Variants in FLT1 observed in about 807,000 individuals in gnomAD.
The protein encoded by FLT1 is fms related receptor tyrosine kinase 1, also known as vascular endothelial growth factor receptor 1.
A neutral mutation model predicts 156.3 loss-of-function variants in FLT1; 49 were observed. That is an observed-to-expected ratio of 0.31 (90% CI 0.25 to 0.40). FLT1 has a LOEUF of 0.40. Among genes scored for constraint, FLT1 ranks in the 10% least tolerant of loss-of-function variants. The pLI is 1.00. For missense variants in FLT1, 1,322 were observed against 1,637.2 expected (o/e 0.81, Z 3.32); for synonymous variants, 594 against 583.8 (o/e 1.02, Z -0.25).
intron 3 of FLT1, among the ~76,000 whole-genome samples, chr13:28,449,805 C>T (rs936969165): frequency 6.6e-6 from 1 of 152,172 alleles, no homozygotes; most frequent in African/African-American, 2.4e-5. Context: ...AAAGACATTG[C>T]TTTTTGTTTT....
intron 12 of FLT1, among the ~76,000 whole-genome samples, chr13:28,392,434 A>G (rs910091509): frequency 1.3e-5 from 2 of 152,232 alleles, no homozygotes; most frequent in Non-Finnish European, 1.5e-5. Context: ...TTTTACACAG[A>G]TAGTAGAGCA....
At chr13:28,387,562 T>C in intron 13 of FLT1, 1 of 1,063,966 alleles carries the variant, frequency 9.4e-7, no homozygotes, top group Non-Finnish European at 1.1e-6. Context: ...TTCTTTCACT[T>C]TTCAGTGTTA....
chr13:28,387,931 T>C, intron 13 of FLT1: 1 of 1,059,678 alleles, frequency 9.4e-7, no homozygotes. Context: ...ACTAACATCC[T>C]CCCCTCCCCA....
At chr13:28,319,378 C>A (rs753561169) in intron 24 of FLT1, 45 bp downstream of exon 24, 2 of 1,232,094 alleles carry the variant, frequency 1.6e-6, no homozygotes, top group South Asian at 1.2e-5. Flanking sequence ...AAGATGCAGA[C>A]ATTTATTTCT....
Position 28,456,535 on chromosome 13 carries a change from T to A in FLT1, c.388+10368A>T, listed in dbSNP as rs140935861. On this transcript the variant is annotated intron_variant, in intron 3 of 29. Transcript: ENST00000282397. Reference sequence around the variant, plus strand: ...TTTGCCGGCCGGGCACAGTGGCTCATGCCTGTAATCCCAGCACTTTAGGAG... The same window carrying A: ...TTTGCCGGCCGGGCACAGTGGCTCAAGCCTGTAATCCCAGCACTTTAGGAG... 9.9e-5 allele frequency among the ~76,000 whole-genome samples: 15 copies of A among 152,130 alleles called. 1 individual carries two copies. The East Asian group carries it at 2.1e-3, about 22-fold the overall frequency.
intron 1 of FLT1, among the ~76,000 whole-genome samples, chr13:28,469,069 C>G (rs549408720): frequency 1.3e-5 from 2 of 152,290 alleles, no homozygotes; most frequent in South Asian, 2.1e-4. Context: ...CCAGCCTCCT[C>G]CTCCTCCCCT....
intron 14 of FLT1, among the ~76,000 whole-genome samples, chr13:28,374,704 A>G (rs1055873889): frequency 7.9e-5 from 12 of 151,950 alleles, no homozygotes; most frequent in South Asian, 4.1e-4. Flanking sequence ...TAGTAGAGAC[A>G]GGGTTTCACC....
At chr13:28,399,677 G>A (rs1051203685) in intron 11 of FLT1, among the ~76,000 whole-genome samples, 2 of 152,146 alleles carry the variant, frequency 1.3e-5, no homozygotes, top group Non-Finnish European at 2.9e-5. Flanking sequence ...ATGAATCCGG[G>A]TCACAAGATG....
At chr13:28,347,016 C>T (rs1179586873) in intron 15 of FLT1, among the ~76,000 whole-genome samples, 1 of 152,074 alleles carries the variant, frequency 6.6e-6, no homozygotes, top group Non-Finnish European at 1.5e-5. Context: ...TTGCCACTCT[C>T]AAGGACCCCA....
At chr13:28,344,793 T>C (rs1470799322) in intron 16 of FLT1, among the ~76,000 whole-genome samples, 1 of 78,078 alleles carries the variant, frequency 1.3e-5, no homozygotes, top group Non-Finnish European at 2.3e-5. Flanking sequence ...GGGCCTTTAC[T>C]TTTTTTTTTT....
intron 3 of FLT1, among the ~76,000 whole-genome samples, chr13:28,449,534 G>C (rs1878805840): frequency 6.6e-6 from 1 of 151,914 alleles, no homozygotes; most frequent in South Asian, 2.1e-4. Flanking sequence ...CAAATTCAAA[G>C]GTGATAAAAA....
chr13:28,404,846 C>G (rs1159578504), intron 11 of FLT1, among the ~76,000 whole-genome samples: 2 of 151,826 alleles, frequency 1.3e-5, no homozygotes. Context: ...ATGGTGAAAC[C>G]CTGTCTCTAC....
In FLT1 at chr13:28,427,495, G is replaced by A. The variant is rs549130249; in HGVS notation, c.1277-177C>T. On this transcript the variant is annotated intron_variant, in intron 9 of 29. Coordinates refer to ENST00000282397, the MANE Select transcript of FLT1 (RefSeq NM_002019.4). Reference sequence around the variant, plus strand: ...AAAATGCAGATTTTTAAAAGTAGTAGCAGGGTTTTGAGATTATTAATAATT... The same window carrying A: ...AAAATGCAGATTTTTAAAAGTAGTAACAGGGTTTTGAGATTATTAATAATT... 5.4e-4 allele frequency among the ~76,000 whole-genome samples: 82 copies of A among 152,254 alleles called. 1 individual carries two copies. Among genetic ancestry groups the A allele is most frequent in the Middle Eastern group, 3.4e-3 (1 of 294 alleles).
chr13:28,310,225 C>T (rs1870941348), intron 27 of FLT1, among the ~76,000 whole-genome samples: 1 of 152,092 alleles, frequency 6.6e-6, no homozygotes, highest in Non-Finnish European at 1.5e-5. Flanking sequence ...AGCTTCTTCC[C>T]ATATCTTCCC....
chr13:28,484,495 A>C (rs916977878), intron 1 of FLT1, among the ~76,000 whole-genome samples: 3 of 152,320 alleles, frequency 2.0e-5, no homozygotes, highest in East Asian at 1.9e-4. Flanking sequence ...TTTCTGACTA[A>C]GTTTTTTGGG....
Position 28,322,702 on chromosome 13 carries a change from G to C in FLT1, c.2953+88C>G, listed in dbSNP as rs886522272. 9 of 1,173,972 alleles carry C rather than the reference G, an allele frequency of 7.7e-6. 1 individual carries two copies. The African/African-American group carries it at 9.0e-5, about 12-fold the overall frequency. 72.7% of individuals were successfully genotyped at this position (1,173,972 alleles called of 1,614,324 possible). ...TCGAGTCTCCCACGGATGTTTATTA[G>C]AGTGATAAATAAGAAAAAAATTTCA... On this transcript the variant is annotated intron_variant, in intron 21 of 29. Coordinates refer to ENST00000282397, the MANE Select transcript of FLT1 (RefSeq NM_002019.4). This position sits in a 1 kb window ranked among gnomAD's most constrained non-coding sequence, Gnocchi z 4.3.
intron 3 of FLT1, among the ~76,000 whole-genome samples, chr13:28,449,806 TTTTTGTTTTG>T (rs1054209176): frequency 2.0e-5 from 3 of 152,214 alleles, no homozygotes; most frequent in Admixed American, 6.5e-5. Context: ...AAGACATTGC[TTTTTGTTTTG>T]TTTTGTTTTG....
chr13:28,383,167 CGTT>C (rs1555233272), intron 14 of FLT1, among the ~76,000 whole-genome samples: 2 of 151,822 alleles, frequency 1.3e-5, no homozygotes, highest in South Asian at 4.2e-4. Context: ...GTTTAAGTCT[CGTT>C]GTTTTTAAGA....
intron 6 of FLT1, 138 bp downstream of exon 6, chr13:28,433,681 C>T (rs1593788155): frequency 1.2e-6 from 1 of 824,974 alleles, no homozygotes; most frequent in South Asian, 1.4e-5. Flanking sequence ...GCACTCAAAC[C>T]AAACCCAAAG....
Sources: gnomAD v4.1 joint callset for allele counts (sites outside exome capture counted in the v4.1 genomes callset) on GRCh38, gnomAD v4.1.1 for gene constraint, Gnocchi (gnomAD v3.1) non-coding constraint, MANE v1.5 for transcripts, NCBI Gene and HGNC (gene_info 2026-07-23, HGNC 2026-07-21) for gene names.